ST6GALNAC5: variants seen among roughly 807,000 people sequenced by gnomAD.
The protein encoded by ST6GALNAC5 is ST6 N-acetylgalactosaminide alpha-2,6-sialyltransferase 5, also known as alpha-N-acetylgalactosaminide alpha-2,6-sialyltransferase 5.
A neutral mutation model predicts 33.6 loss-of-function variants in ST6GALNAC5; 27 were observed. That is an observed-to-expected ratio of 0.80 (90% CI 0.59 to 1.11). ST6GALNAC5 has a LOEUF of 1.11. Ranked by LOEUF, ST6GALNAC5 falls within the 50% of genes least tolerant of loss-of-function variation. The probability of loss-of-function intolerance (pLI) is 0.00; values close to 1 mark genes in which losing one functional copy is unlikely to be tolerated. For missense variants in ST6GALNAC5, 428 were observed against 454.0 expected (o/e 0.94, Z 0.52); for synonymous variants, 194 against 171.2 (o/e 1.13, Z -1.04).
At chr1:77,050,799 A>G (rs1652192676) in intron 4 of ST6GALNAC5, among the ~76,000 whole-genome samples, 1 of 152,238 alleles carries the variant, frequency 6.6e-6, no homozygotes, top group African/African-American at 2.4e-5. Context: ...CCCTTGCCAC[A>G]TCAGTGGCCT....
chr1:76,986,997 A>C (rs1177088445), intron 2 of ST6GALNAC5, among the ~76,000 whole-genome samples: 2 of 152,150 alleles, frequency 1.3e-5, no homozygotes, highest in Non-Finnish European at 2.9e-5. Context: ...GCAAGGGAAC[A>C]TCACACACTG....
chr1:77,038,742 G>T (rs1651739118), intron 2 of ST6GALNAC5, among the ~76,000 whole-genome samples: 1 of 152,226 alleles, frequency 6.6e-6, no homozygotes, highest in African/African-American at 2.4e-5. Context: ...ATCAGACCTT[G>T]ATTCCCTGAG....
chr1:76,887,622 G>C (rs1420438404), intron 2 of ST6GALNAC5, among the ~76,000 whole-genome samples: 1 of 152,048 alleles, frequency 6.6e-6, no homozygotes, highest in Non-Finnish European at 1.5e-5. Context: ...CTTCATTTAG[G>C]AAAGATTTTC....
chr1:76,868,724 C>G lies in ST6GALNAC5; in HGVS notation c.243C>G (p.Leu81=), dbSNP rs747416908. The change falls in exon 2 of 5, where the codon CTC becomes CTG. Residue 81 remains leucine (L), a synonymous_variant. Coordinates refer to ENST00000477717, the MANE Select transcript of ST6GALNAC5 (RefSeq NM_030965.3). This position sits in a 1 kb window ranked among gnomAD's most constrained non-coding sequence, Gnocchi z 4.3. ...PAGPRPLDGY[L]GVADHKPLKM... The stretch of plus-strand genomic sequence containing the variant: ...GACCGCGGCCACTGGACGGATACCT[C>G]GGAGTGGCGGACCACAAGGTGACAG... 77 of 1,511,574 alleles carry G rather than the reference C, an allele frequency of 5.1e-5. No homozygotes were observed. Among genetic ancestry groups the G allele is most frequent in the Non-Finnish European group, 6.4e-5 (72 of 1,132,806 alleles). 93.6% of individuals were successfully genotyped at this position (1,511,574 alleles called of 1,614,324 possible).
intron 2 of ST6GALNAC5, among the ~76,000 whole-genome samples, chr1:76,961,234 G>A (rs142632961): frequency 7.9e-5 from 12 of 152,224 alleles, no homozygotes; most frequent in East Asian, 5.8e-4. Flanking sequence ...GATCCTGCCC[G>A]AAGTTGCCCA....
intron 2 of ST6GALNAC5, among the ~76,000 whole-genome samples, chr1:76,962,163 G>A (rs1002037288): frequency 6.6e-6 from 1 of 152,174 alleles, no homozygotes; most frequent in Non-Finnish European, 1.5e-5. Context: ...ACATAGCTGA[G>A]AGACAGATGG....
rs139298898 is a variant in ST6GALNAC5 at position 76,998,481 on chromosome 1, C to G, written c.262-45723C>G. On this transcript the variant is annotated intron_variant, in intron 2 of 4. Transcript: ENST00000477717. ...GTTTATGACAATTATATTGTATATT[C>G]AAACAAAATGTATTCTTATTTCATA... 5.3e-5 allele frequency among the ~76,000 whole-genome samples: 8 copies of G among 152,180 alleles called. No individual in the cohort carries two copies. The East Asian group carries it at 1.5e-3, about 29-fold the overall frequency.
rs1653403503 is a variant in ST6GALNAC5 at position 76,868,424 on chromosome 1, T to G, written c.16-73T>G. The G allele has an allele frequency of 6.5e-7, 1 of 1,533,918 alleles. No individual in the cohort carries two copies. On this transcript the variant is annotated intron_variant, in intron 1 of 4. Transcript: ENST00000477717. This position sits in a 1 kb window ranked among gnomAD's most constrained non-coding sequence, Gnocchi z 4.3. ...CCCACTAGAGTGACCACCGCACAGT[T>G]GTCCCCGCTGGGCGCGCTCCTCCGG...
intron 2 of ST6GALNAC5, among the ~76,000 whole-genome samples, chr1:76,925,502 T>C (rs1047752989): frequency 3.3e-5 from 5 of 152,122 alleles, no homozygotes; most frequent in Non-Finnish European, 7.4e-5. Flanking sequence ...GTGAGTTCTT[T>C]GCTTTAAAAT....
intron 2 of ST6GALNAC5, among the ~76,000 whole-genome samples, chr1:77,006,145 G>A (rs557961735): frequency 2.6e-5 from 3 of 113,394 alleles, no homozygotes; most frequent in African/African-American, 7.9e-5. Flanking sequence ...AGTTTTTTTT[G>A]TTGTTGTTGT....
At chr1:77,028,321 T>C (rs1262455247) in intron 2 of ST6GALNAC5, among the ~76,000 whole-genome samples, 2 of 152,016 alleles carry the variant, frequency 1.3e-5, no homozygotes, top group East Asian at 3.9e-4. Context: ...GTTCCCACAA[T>C]CAAAGGATGG....
intron 2 of ST6GALNAC5, among the ~76,000 whole-genome samples, chr1:76,996,708 G>C (rs6603961): frequency 6.6e-6 from 1 of 152,312 alleles, no homozygotes; most frequent in South Asian, 2.1e-4. Context: ...AGTATGTACA[G>C]TTGGAAGGAG....
intron 4 of ST6GALNAC5, among the ~76,000 whole-genome samples, chr1:77,050,966 A>C (rs562956857): frequency 5.9e-5 from 9 of 152,340 alleles, no homozygotes; most frequent in Non-Finnish European, 1.0e-4. Context: ...AGCAATATTC[A>C]GGGCCTGATT....
At chr1:76,977,440 C>T (rs1048182178) in intron 2 of ST6GALNAC5, among the ~76,000 whole-genome samples, 1 of 152,090 alleles carries the variant, frequency 6.6e-6, no homozygotes, top group African/African-American at 2.4e-5. Flanking sequence ...TAACTTTGTA[C>T]CCACTGACCA....
chr1:77,019,960 G>A (rs1650990511), intron 2 of ST6GALNAC5, among the ~76,000 whole-genome samples: 1 of 152,122 alleles, frequency 6.6e-6, no homozygotes, highest in Non-Finnish European at 1.5e-5. Context: ...CAGCCACATT[G>A]CCAACACACT....
intron 2 of ST6GALNAC5, among the ~76,000 whole-genome samples, chr1:76,989,093 C>T (rs777013346): frequency 8.6e-5 from 13 of 151,944 alleles, no homozygotes; most frequent in African/African-American, 1.2e-4. Flanking sequence ...ACCTGTCTGC[C>T]GAAAGGATTC....
At chr1:76,941,756 C>G (rs12132583) in intron 2 of ST6GALNAC5, among the ~76,000 whole-genome samples, 18,661 of 152,004 alleles carry the variant, frequency 0.12, 1,220 homozygotes, top group South Asian at 0.27. Context: ...TCGGAAGGAG[C>G]CTTTGGATGG....
intron 2 of ST6GALNAC5, among the ~76,000 whole-genome samples, chr1:76,899,918 G>A (rs1280566649): frequency 2.0e-5 from 3 of 152,178 alleles, no homozygotes; most frequent in Admixed American, 6.5e-5. Context: ...CAAAATGCAG[G>A]AGGACAGGGG....
intron 2 of ST6GALNAC5, among the ~76,000 whole-genome samples, chr1:76,947,098 T>C (rs1023357786): frequency 2.0e-5 from 3 of 152,118 alleles, no homozygotes; most frequent in African/African-American, 7.2e-5. Context: ...AGAACAAAAA[T>C]GCAATCAGCT....
Sources: allele counts gnomAD v4.1 joint callset (sites outside exome capture counted in the v4.1 genomes callset), GRCh38; gene constraint gnomAD v4.1.1; non-coding constraint Gnocchi (gnomAD v3.1); transcripts MANE v1.5; gene names NCBI Gene and HGNC (gene_info 2026-07-23, HGNC 2026-07-21).